EREG: variants seen among roughly 807,000 people sequenced by gnomAD.
The protein encoded by EREG is epiregulin.
A neutral mutation model predicts 22.4 loss-of-function variants in EREG; 23 were observed. The observed-to-expected ratio is 1.03, with a 90% CI of 0.74 to 1.46. The LOEUF (loss-of-function observed/expected upper bound fraction) is 1.46, where lower values mean the gene tolerates loss of function less well. Among genes scored for constraint, EREG ranks in the 40% most tolerant of loss-of-function variants. The pLI is 0.00. For synonymous variants in EREG, 100 were observed against 75.4 expected (o/e 1.33, Z -1.69); for missense variants, 226 against 205.9 (o/e 1.10, Z -0.60).
At position 74,382,730 on chromosome 4, in the gene EREG, A is replaced by C; in HGVS notation, c.364A>C (p.Thr122Pro). The change falls in exon 4 of 5, where the codon ACC becomes CCC. Residue 122 changes from threonine (T) to proline (P), a missense_variant. Transcript: ENST00000244869. The stretch of plus-strand genomic sequence containing the variant: ...TTTAAGCAAAGAATATGTGGCTTTG[A>C]CCGTGATTCTTATTATTTTGTTTCT... ...QPLSKEYVAL[T>P]VILIILFLIT... 1.2e-6 allele frequency: 2 copies of C among 1,613,708 alleles called. No individual in the cohort carries two copies. Among genetic ancestry groups the C allele is most frequent in the Non-Finnish European group, 1.7e-6 (2 of 1,179,746 alleles).
At chr4:74,374,929 C>T (rs1206312491) in intron 1 of EREG, among the ~76,000 whole-genome samples, 1 of 152,174 alleles carries the variant, frequency 6.6e-6, no homozygotes, top group African/African-American at 2.4e-5. Flanking sequence ...CCTCTGAATG[C>T]ATTTCCATTT....
chr4:74,383,727 G>A (rs1441480966), intron 4 of EREG, among the ~76,000 whole-genome samples: 3 of 152,258 alleles, frequency 2.0e-5, no homozygotes, highest in East Asian at 3.9e-4. Flanking sequence ...GTCTGAAAGT[G>A]TGCTACTTTC....
chr4:74,366,675 G>T (rs1487505823), intron 1 of EREG, among the ~76,000 whole-genome samples: 1 of 152,176 alleles, frequency 6.6e-6, no homozygotes, highest in African/African-American at 2.4e-5. Context: ...GCACATGTCT[G>T]TTCTGGGTGT....
chr4:74,384,392 G>A (rs1447711658), intron 4 of EREG, among the ~76,000 whole-genome samples: 3 of 152,012 alleles, frequency 2.0e-5, no homozygotes, highest in Non-Finnish European at 4.4e-5. Context: ...AAGGGAGGAA[G>A]GAAAAAGAAA....
intron 3 of EREG, among the ~76,000 whole-genome samples, chr4:74,382,199 C>T (rs1282517230): frequency 2.0e-5 from 3 of 151,846 alleles, no homozygotes; most frequent in African/African-American, 7.3e-5. Flanking sequence ...ACTCAGGAGG[C>T]TGAGATAGGA....
chr4:74,377,984 C>T (rs1441361859), intron 1 of EREG, among the ~76,000 whole-genome samples: 1 of 152,116 alleles, frequency 6.6e-6, no homozygotes, highest in Non-Finnish European at 1.5e-5. Flanking sequence ...AGTACATGTT[C>T]AAGAGATGGA....
At chr4:74,380,976 G>A (rs1282987336) in intron 2 of EREG, 38 bp from the exon 3 acceptor site, 1 of 1,597,536 alleles carries the variant, frequency 6.3e-7, no homozygotes, top group Admixed American at 1.7e-5. Flanking sequence ...CTTCCATGAA[G>A]GCTGCAGAAT....
intron 3 of EREG, 172 bp from the exon 4 acceptor site, chr4:74,382,473 G>A (rs909208920): frequency 2.9e-5 from 15 of 525,348 alleles, no homozygotes; most frequent in Non-Finnish European, 4.4e-5. Flanking sequence ...GCTACGTGGA[G>A]CCCTTTTATC....
intron 1 of EREG, among the ~76,000 whole-genome samples, chr4:74,375,424 T>G (rs888481491): frequency 2.1e-5 from 3 of 145,468 alleles, no homozygotes; most frequent in East Asian, 2.2e-4. Flanking sequence ...GTTCAAGCCA[T>G]TCTCCTGCCT....
rs1486213809 is a variant in EREG at position 74,365,306 on chromosome 4, C to T, written c.-3C>T. On this transcript the variant is annotated 5_prime_UTR_variant, in exon 1 of 5. Transcript: ENST00000244869. ...CAAGCCCCAGCGCCCGCTCCCATCG[C>T]CGATGACCGCGGGGAGGAGGATGGA... 3 of 1,603,502 alleles carry T rather than the reference C, an allele frequency of 1.9e-6. No homozygotes were observed. The highest frequency in any genetic ancestry group is 8.5e-7 in the Non-Finnish European group (1 of 1,179,640).
intron 1 of EREG, among the ~76,000 whole-genome samples, chr4:74,372,202 T>C (rs145574038): frequency 3.4e-4 from 52 of 152,328 alleles, no homozygotes; most frequent in African/African-American, 1.3e-3. Flanking sequence ...CAACTCAAAC[T>C]ATATTTTCAT....
chr4:74,373,941 A>G (rs1036838647), intron 1 of EREG, among the ~76,000 whole-genome samples: 5 of 152,312 alleles, frequency 3.3e-5, no homozygotes, highest in African/African-American at 9.6e-5. Context: ...CAGTGAAGGC[A>G]TATTCACTCC....
chr4:74,381,530 T>C (rs1311595843), intron 3 of EREG: 1 of 153,344 alleles, frequency 6.5e-6, no homozygotes, highest in East Asian at 1.9e-4. Context: ...TCTGAGTTTT[T>C]AAAAATTAGG....
At chr4:74,372,358 C>G (rs1038732004) in intron 1 of EREG, among the ~76,000 whole-genome samples, 3 of 152,196 alleles carry the variant, frequency 2.0e-5, no homozygotes, top group Non-Finnish European at 2.9e-5. Flanking sequence ...TGTGTGCTCT[C>G]ACTGATTAAA....
At chr4:74,376,734 TGAA>T (rs1381008472) in intron 1 of EREG, among the ~76,000 whole-genome samples, 1 of 152,186 alleles carries the variant, frequency 6.6e-6, no homozygotes. Context: ...TTCAAATTGT[TGAA>T]GAACAGGAGA....
intron 1 of EREG, among the ~76,000 whole-genome samples, chr4:74,377,010 C>T (rs555870894): frequency 4.6e-5 from 7 of 152,090 alleles, no homozygotes; most frequent in Admixed American, 6.5e-5. Context: ...TTGTATTACA[C>T]GAATTAAATC....
intron 1 of EREG, among the ~76,000 whole-genome samples, chr4:74,368,218 CTG>C (rs1310057370): frequency 6.6e-6 from 1 of 152,186 alleles, no homozygotes; most frequent in Non-Finnish European, 1.5e-5. Context: ...CTTTCTGACT[CTG>C]TGCAAAATCA....
At chr4:74,379,301 T>G in intron 1 of EREG, 147 bp from the exon 2 acceptor site, 1 of 540,506 alleles carries the variant, frequency 1.9e-6, no homozygotes, top group Non-Finnish European at 3.4e-6. Flanking sequence ...TACATGCCTG[T>G]TTCCATGAAT....
chr4:74,382,092 G>A (rs949898215), intron 3 of EREG: 5 of 151,420 alleles, frequency 3.3e-5, no homozygotes, highest in Non-Finnish European at 7.3e-5. Flanking sequence ...ACCACTTGAG[G>A]TCAGGAGTTC....
Sources: allele counts gnomAD v4.1 joint callset (sites outside exome capture counted in the v4.1 genomes callset), GRCh38; gene constraint gnomAD v4.1.1; transcripts MANE v1.5; gene names NCBI Gene and HGNC (gene_info 2026-07-23, HGNC 2026-07-21).